The following GPT2 variants were observed in gnomAD, a reference collection of about 807,000 sequenced individuals.
GPT2 encodes alanine aminotransferase 2.
Under a neutral mutation model 56.9 loss-of-function variants are expected in GPT2, and 30 were observed. The observed-to-expected ratio is 0.53, with a 90% confidence interval of 0.39 to 0.72. The LOEUF is 0.72. GPT2 is among the 30% of genes least tolerant of loss of function. The pLI is 0.00. For synonymous variants in GPT2, 271 were observed against 283.1 expected (o/e 0.96, Z 0.43); for missense variants, 542 against 703.4 (o/e 0.77, Z 2.60).
At chr16:46,885,620 G>A in intron 2 of GPT2, 1 of 838,508 alleles carries the variant, frequency 1.2e-6, no homozygotes, top group Non-Finnish European at 1.4e-6. Context: ...TTGGTAAGGG[G>A]GCCCTGGGAC....
chr16:46,916,458 C>T, intron 6 of GPT2, 170 bp from the exon 7 acceptor site: 1 of 631,514 alleles, frequency 1.6e-6, no homozygotes, highest in Non-Finnish European at 2.9e-6. Flanking sequence ...TCCCTGGAGG[C>T]CGACTACACC....
chr16:46,895,677 A>G (rs1260837499), intron 2 of GPT2, among the ~76,000 whole-genome samples: 1 of 152,106 alleles, frequency 6.6e-6, no homozygotes, highest in Non-Finnish European at 1.5e-5. Flanking sequence ...GGCATGTGCC[A>G]CCATGCCTGG....
chr16:46,900,562 C>G (rs1960796009), intron 3 of GPT2, 120 bp from the exon 4 acceptor site: 2 of 719,858 alleles, frequency 2.8e-6, no homozygotes, highest in East Asian at 5.2e-5. Flanking sequence ...TGAGTCCTCG[C>G]AGAGAGGCTT....
chr16:46,918,773 T>C lies in GPT2; in HGVS notation c.1037+16T>C. ...ACATGGGCGAGTACGTGGGCCTCCCTTCCCTCTGCCACTGCTGGGCCTGCC... is the reference window on the plus strand; with the variant it reads ...ACATGGGCGAGTACGTGGGCCTCCCCTCCCTCTGCCACTGCTGGGCCTGCC... On this transcript the variant is annotated intron_variant, in intron 8 of 11. Transcript: ENST00000340124. 1 of 1,612,984 alleles carries C rather than the reference T, an allele frequency of 6.2e-7. No homozygotes were observed. Among genetic ancestry groups the C allele is most frequent in the Non-Finnish European group, 8.5e-7 (1 of 1,179,794 alleles).
At chr16:46,897,924 G>A (rs924362878) in intron 3 of GPT2, among the ~76,000 whole-genome samples, 187 bp downstream of exon 3, 2 of 152,240 alleles carry the variant, frequency 1.3e-5, no homozygotes, top group African/African-American at 4.8e-5. Context: ...TTTTGGGGTT[G>A]CTCTGGTGTA....
chr16:46,894,098 C>G (rs951375296), intron 2 of GPT2, among the ~76,000 whole-genome samples: 2 of 152,218 alleles, frequency 1.3e-5, no homozygotes, highest in African/African-American at 4.8e-5. Flanking sequence ...TGACCCCCAG[C>G]TCATCCATCA....
At chr16:46,902,071 TTG>T (rs1223408757) in intron 4 of GPT2, among the ~76,000 whole-genome samples, 2 of 152,196 alleles carry the variant, frequency 1.3e-5, no homozygotes, top group Admixed American at 1.3e-4. Flanking sequence ...AATGTGCCTT[TTG>T]TGTGTCTGAT....
intron 6 of GPT2, among the ~76,000 whole-genome samples, chr16:46,911,315 T>C (rs1231740410): frequency 6.6e-6 from 1 of 152,106 alleles, no homozygotes; most frequent in African/African-American, 2.4e-5. Flanking sequence ...CTCTCCTCCT[T>C]TGTTGAGATA....
In GPT2 at chr16:46,900,782, A is replaced by G. The variant is rs1294721539; in HGVS notation, c.434A>G (p.Asn145Ser). 2 of 1,613,806 alleles carry G rather than the reference A, an allele frequency of 1.2e-6. No homozygotes were observed. The highest frequency in any genetic ancestry group is 2.2e-5 in the East Asian group (1 of 44,882). The change falls in exon 4 of 12, where the codon AAC becomes AGC. Residue 145 changes from asparagine (N) to serine (S), a missense_variant. Physicochemically the swap from Asn to Ser is conservative, Grantham distance 46. Transcript: ENST00000340124. ...ARRILQACGG[N>S]SLGSYSASQG... Reference sequence around the variant, plus strand: ...CGGATCCTGCAGGCTTGTGGCGGGAACAGCCTGGGTGAGGCCCCAACTTGC... The same window carrying G: ...CGGATCCTGCAGGCTTGTGGCGGGAGCAGCCTGGGTGAGGCCCCAACTTGC...
At chr16:46,890,787 G>T (rs531228405) in intron 2 of GPT2, among the ~76,000 whole-genome samples, 2 of 152,214 alleles carry the variant, frequency 1.3e-5, no homozygotes, top group Non-Finnish European at 2.9e-5. Flanking sequence ...GTCACCATCT[G>T]TGAGTGTGCG....
chr16:46,902,503 G>T (rs116650448), intron 4 of GPT2, among the ~76,000 whole-genome samples: 201 of 152,320 alleles, frequency 1.3e-3, no homozygotes, highest in African/African-American at 4.6e-3. Context: ...GCTCTGGGCA[G>T]CCTGAGCACT....
chr16:46,885,409 G>T lies in GPT2; in HGVS notation c.243+451G>T, dbSNP rs936995547. On this transcript the variant is annotated intron_variant, in intron 2 of 11. Coordinates refer to ENST00000340124, the MANE Select transcript of GPT2 (RefSeq NM_133443.4). Reference sequence around the variant, plus strand: ...TAGGAGGGGAGACGGGGTGGGGGGGGCTCTGCGGAAAGTTGGTTCTGTTCC... The same window carrying T: ...TAGGAGGGGAGACGGGGTGGGGGGGTCTCTGCGGAAAGTTGGTTCTGTTCC... 4 of 769,064 alleles carry T rather than the reference G, an allele frequency of 5.2e-6. No individual in the cohort carries two copies. The African/African-American group carries it at 5.7e-5, about 11-fold the overall frequency. The allele number at this position is 769,064 out of a possible 1,614,324, so 47.6% of individuals were successfully genotyped here.
intron 9 of GPT2, 144 bp from the exon 10 acceptor site, chr16:46,924,245 C>A: frequency 1.2e-6 from 1 of 869,320 alleles, no homozygotes; most frequent in Non-Finnish European, 1.9e-6. Flanking sequence ...TCTGAGTCAA[C>A]GCATGGGTCA....
At chr16:46,894,822 C>T (rs1007953869) in intron 2 of GPT2, among the ~76,000 whole-genome samples, 1 of 152,174 alleles carries the variant, frequency 6.6e-6, no homozygotes, top group Admixed American at 6.5e-5. Flanking sequence ...CCCGCCCCCA[C>T]GCCTGGCTAA....
chr16:46,924,146 T>C, intron 9 of GPT2: 1 of 548,384 alleles, frequency 1.8e-6, no homozygotes, highest in Non-Finnish European at 3.4e-6. Context: ...TTGGTCAGTC[T>C]GTCTGATACC....
chr16:46,926,309 T>G (rs1256774989), intron 10 of GPT2, among the ~76,000 whole-genome samples: 2 of 151,478 alleles, frequency 1.3e-5, no homozygotes, highest in Non-Finnish European at 2.9e-5. Context: ...ATTAGCCAGG[T>G]GTGGTGGCAC....
intron 8 of GPT2, among the ~76,000 whole-genome samples, chr16:46,921,159 G>T (rs1054207404): frequency 1.3e-5 from 2 of 152,072 alleles, no homozygotes; most frequent in Non-Finnish European, 1.5e-5. Context: ...CAAAAGCATG[G>T]TTTTTTTGAT....
At position 46,884,723 on chromosome 16, in the gene GPT2, G is replaced by A. The variant is rs200001793; in HGVS notation, c.8G>A (p.Arg3Gln). The change falls in exon 2 of 12, where the codon CGG becomes CAG. Residue 3 changes from arginine (R) to glutamine (Q), a missense_variant. Coordinates refer to ENST00000340124, the MANE Select transcript of GPT2 (RefSeq NM_133443.4). ...TCTCTCCGCAAGCGCGCGATGCAGC[G>A]GGCGGCGGCGCTGGTCCGGCGGGGC... MQ[R>Q]AAALVRRGCG... 10 of 1,380,004 alleles carry A rather than the reference G, an allele frequency of 7.2e-6. No individual in the cohort carries two copies. The highest frequency in any genetic ancestry group is 2.8e-5 in the East Asian group (1 of 35,912). 85.5% of individuals were successfully genotyped at this position (1,380,004 alleles called of 1,614,324 possible). A position where few individuals can be genotyped will look rare whatever the true frequency, so the allele number is the denominator to read the frequency against.
At chr16:46,905,137 A>G (rs535465267) in intron 4 of GPT2, among the ~76,000 whole-genome samples, 11 of 150,866 alleles carry the variant, frequency 7.3e-5, no homozygotes, top group Non-Finnish European at 1.5e-4. Flanking sequence ...GCTCACTGCA[A>G]CCTCCACCTC....
Sources: gnomAD v4.1 joint callset for allele counts (sites outside exome capture counted in the v4.1 genomes callset) on GRCh38, gnomAD v4.1.1 for gene constraint, MANE v1.5 for transcripts, NCBI Gene and HGNC (gene_info 2026-07-23, HGNC 2026-07-21) for gene names.